Variants in PTPRS observed in about 807,000 individuals in gnomAD.
The protein encoded by PTPRS is protein tyrosine phosphatase receptor type S, also known as receptor-type tyrosine-protein phosphatase S.
Under a neutral mutation model 215.3 loss-of-function variants are expected in PTPRS, and 63 were observed. The observed-to-expected ratio is 0.29, with a 90% CI of 0.24 to 0.36. The LOEUF (loss-of-function observed/expected upper bound fraction) is 0.36. Among genes scored for constraint, PTPRS ranks in the 10% least tolerant of loss-of-function variants. The probability of loss-of-function intolerance (pLI) is 1.00; values close to 1 mark genes in which losing one functional copy is unlikely to be tolerated. For synonymous variants in PTPRS, 1,404 were observed against 1,191.4 expected, an observed-to-expected ratio of 1.18 and a Z score of -3.68; for missense variants, 2,258 against 2,825.8, an observed-to-expected ratio of 0.80 and a Z score of 4.56.
At chr19:5,283,551 CAGGAGACAGA>C (rs2048058726) in intron 2 of PTPRS, among the ~76,000 whole-genome samples, 1 of 151,254 alleles carries the variant, frequency 6.6e-6, no homozygotes, top group African/African-American at 2.4e-5. Context: ...TACTCCAGCC[CAGGAGACAGA>C]AGGAGACTCC....
At chr19:5,314,817 G>A (rs1026965283) in intron 1 of PTPRS, among the ~76,000 whole-genome samples, 1 of 152,162 alleles carries the variant, frequency 6.6e-6, no homozygotes, top group Non-Finnish European at 1.5e-5. Context: ...CTGCTCAACA[G>A]GGGCTTCAGA....
intron 1 of PTPRS, among the ~76,000 whole-genome samples, chr19:5,332,455 A>G (rs750833078): frequency 6.6e-6 from 1 of 152,168 alleles, no homozygotes; most frequent in Non-Finnish European, 1.5e-5. Context: ...CTTAAAATCT[A>G]GATTTCTGCT....
At chr19:5,252,409 T>G (rs1044755891) in intron 9 of PTPRS, among the ~76,000 whole-genome samples, 45 of 151,778 alleles carry the variant, frequency 3.0e-4, no homozygotes, top group Admixed American at 4.6e-4. Context: ...AAACCCTGTC[T>G]CTACCAGAAA....
chr19:5,318,506 T>C (rs1322473378), intron 1 of PTPRS, among the ~76,000 whole-genome samples: 1 of 152,178 alleles, frequency 6.6e-6, no homozygotes, highest in Non-Finnish European at 1.5e-5. Context: ...TAGGCCTCAG[T>C]TTCCTCATCT....
intron 8 of PTPRS, among the ~76,000 whole-genome samples, chr19:5,256,503 C>T (rs1012232927): frequency 1.3e-5 from 2 of 152,036 alleles, no homozygotes; most frequent in African/African-American, 4.8e-5. Context: ...GACACAGAAG[C>T]CCCCCTCCCT....
In PTPRS at chr19:5,214,751, A is replaced by G. The variant is rs1203110073; in HGVS notation, c.4319-15T>C. On this transcript the variant is annotated splice_polypyrimidine_tract_variant and intron_variant, in intron 28 of 37. Coordinates refer to ENST00000262963, the MANE Select transcript of PTPRS (RefSeq NM_002850.4). Reference sequence around the variant, plus strand: ...GCCCATGATGCCTGCAGCCAGGGCGAGAGGCCAGGGATCTGTGGGGGCTGT... The same window carrying G: ...GCCCATGATGCCTGCAGCCAGGGCGGGAGGCCAGGGATCTGTGGGGGCTGT... The G allele has an allele frequency of 1.3e-6, 2 of 1,591,710 alleles. No homozygotes were observed.
In PTPRS at chr19:5,257,237, C is replaced by T. The variant is rs370430221; in HGVS notation, c.706+780G>A. ...AGGGACCCACAAGGAAGTAAGCTTC[C>T]TTGGGGCAGGGGAGCGGGGAGGTGC... On this transcript the variant is annotated intron_variant, in intron 8 of 37. Transcript: ENST00000262963. The surrounding 1 kb of genome is among the most constrained non-coding windows in gnomAD (Gnocchi z 4.4). 3.2e-4 allele frequency among the ~76,000 whole-genome samples: 48 copies of T among 151,946 alleles called. No homozygotes were observed. The highest frequency in any genetic ancestry group is 1.0e-3 in the African/African-American group (43 of 41,442).
At chr19:5,277,638 AGAGT>A in intron 2 of PTPRS, 1 of 408,140 alleles carries the variant, frequency 2.5e-6, no homozygotes, top group Admixed American at 3.5e-5. Flanking sequence ...CCTGGGCGAC[AGAGT>A]GAGACTCCAT....
chr19:5,300,513 G>A (rs913673278), intron 1 of PTPRS, among the ~76,000 whole-genome samples: 1 of 152,018 alleles, frequency 6.6e-6, no homozygotes, highest in Admixed American at 6.6e-5. Flanking sequence ...GCTTACACCT[G>A]TAATCCCAAC....
intron 4 of PTPRS, among the ~76,000 whole-genome samples, chr19:5,270,112 T>C (rs985305389): frequency 4.6e-5 from 7 of 152,024 alleles, no homozygotes; most frequent in African/African-American, 1.7e-4. Flanking sequence ...AGGGCAAAAT[T>C]ATCTGCTAGG....
intron 11 of PTPRS, among the ~76,000 whole-genome samples, chr19:5,240,876 A>T (rs1158295452): frequency 7.1e-6 from 1 of 141,394 alleles, no homozygotes; most frequent in Non-Finnish European, 1.5e-5. Flanking sequence ...TAAAAAAAAT[A>T]AAAATCCCCT....
rs75594037 is a variant in PTPRS, at chr19:5,282,217, C to T, written c.91+3833G>A. On this transcript the variant is annotated intron_variant, in intron 2 of 37. Transcript: ENST00000262963. The stretch of plus-strand genomic sequence containing the variant: ...GAGGGGTTCTACCTCTCGGAAGCAC[C>T]CCCATCACTGCAGAGCAGATACCCT... Among the ~76,000 whole-genome samples, 1,498 of 152,190 alleles carry T rather than the reference C, an allele frequency of 9.8e-3. 28 individuals are homozygous for T. The highest frequency in any genetic ancestry group is 0.034 in the African/African-American group (1,432 of 41,508).
In PTPRS at chr19:5,312,573, A is replaced by G. The variant is rs377275286; in HGVS notation, c.-94-26339T>C. On this transcript the variant is annotated intron_variant, in intron 1 of 37. Transcript: ENST00000262963. Reference sequence around the variant, plus strand: ...CCACTTGAGAGGCCAAGGCAGGAGGACTGCTTGAGCCTAGGAGATGGAGGC... The same window carrying G: ...CCACTTGAGAGGCCAAGGCAGGAGGGCTGCTTGAGCCTAGGAGATGGAGGC... 5.9e-5 allele frequency among the ~76,000 whole-genome samples: 9 copies of G among 152,348 alleles called. No individual in the cohort carries two copies. The East Asian group carries it at 7.7e-4, about 13-fold the overall frequency.
At chr19:5,219,124 T>C in intron 23 of PTPRS, 186 bp downstream of exon 23, 1 of 816,794 alleles carries the variant, frequency 1.2e-6, no homozygotes, top group East Asian at 2.7e-5. Flanking sequence ...CTGGCCTGCT[T>C]TGAGCCCTAG....
chr19:5,302,822 T>C (rs1002329173), intron 1 of PTPRS, among the ~76,000 whole-genome samples: 15 of 149,372 alleles, frequency 1.0e-4, no homozygotes, highest in African/African-American at 3.5e-4. Context: ...CTTTGGGAGG[T>C]TGAGGCGGGC....
intron 1 of PTPRS, among the ~76,000 whole-genome samples, chr19:5,330,116 G>A (rs78313261): frequency 0.092 from 13,885 of 151,508 alleles, 760 homozygotes; most frequent in Non-Finnish European, 0.14. Flanking sequence ...ATTTCCAGAC[G>A]GCATCAACAG....
Position 5,210,342 on chromosome 19 carries a change from C to G in PTPRS, c.5487+127G>C. The G allele has an allele frequency of 7.2e-7, 1 of 1,397,658 alleles. No individual in the cohort carries two copies. Among genetic ancestry groups the G allele is most frequent in the Non-Finnish European group, 9.9e-7 (1 of 1,013,050 alleles). The allele number at this position is 1,397,658 out of a possible 1,614,324, so 86.6% of individuals were successfully genotyped here. A position where few individuals can be genotyped will look rare whatever the true frequency, so the allele number is the denominator to read the frequency against. ...TAGAAGCAAGTGGCCAACTGGTCAG[C>G]TGACACTTCTCCTGATTCCCAATGC... On this transcript the variant is annotated intron_variant, in intron 35 of 37. Transcript: ENST00000262963. This position sits in a 1 kb window ranked among gnomAD's most constrained non-coding sequence, Gnocchi z 4.5.
intron 1 of PTPRS, among the ~76,000 whole-genome samples, chr19:5,314,799 GGT>G (rs1225444933): frequency 1.3e-5 from 2 of 152,112 alleles, no homozygotes; most frequent in Non-Finnish European, 2.9e-5. Flanking sequence ...AGACATCACA[GGT>G]TATCCCTGCT....
In PTPRS at chr19:5,273,791, TAAG is replaced by T. The variant is rs559704563; in HGVS notation, c.238-211_238-209del. ...GACAGGGACCAGATTTGGGTACATA[TAAG>T]AACAGGGTGTTGTGTGCATGTGTGA... On this transcript the variant is annotated intron_variant, in intron 3 of 37. Transcript: ENST00000262963. Among the ~76,000 whole-genome samples the T allele has an allele frequency of 7.9e-5, 12 of 152,190 alleles. No individual in the cohort carries two copies. The South Asian group carries it at 2.5e-3, about 32-fold the overall frequency.
Sources: gnomAD v4.1 joint callset for allele counts (sites outside exome capture counted in the v4.1 genomes callset) on GRCh38, gnomAD v4.1.1 for gene constraint, Gnocchi (gnomAD v3.1) non-coding constraint, MANE v1.5 for transcripts, NCBI Gene and HGNC (gene_info 2026-07-23, HGNC 2026-07-21) for gene names.